KLHL1: variants seen among roughly 807,000 people sequenced by gnomAD.
KLHL1 encodes kelch like family member 1.
KLHL1 carries 47 observed loss-of-function variants against 77.7 expected under a neutral mutation model. The ratio of observed to expected loss-of-function variants is 0.60; its 90% CI spans 0.48 to 0.77. KLHL1 has a LOEUF of 0.77. Among genes scored for constraint, KLHL1 ranks in the 30% least tolerant of loss-of-function variants. KLHL1 has a pLI of 0.00. For missense variants in KLHL1, 925 were observed against 910.8 expected (o/e 1.02, Z -0.20); for synonymous variants, 360 against 325.2 (o/e 1.11, Z -1.15).
At chr13:69,956,178 A>G (rs1000874235) in intron 3 of KLHL1, among the ~76,000 whole-genome samples, 9 of 144,208 alleles carry the variant, frequency 6.2e-5, no homozygotes, top group African/African-American at 2.3e-4. Context: ...TATTTATTAT[A>G]TATCTGATAT....
At chr13:69,823,320 C>T (rs1482762123) in intron 6 of KLHL1, among the ~76,000 whole-genome samples, 1 of 152,000 alleles carries the variant, frequency 6.6e-6, no homozygotes, top group Non-Finnish European at 1.5e-5. Flanking sequence ...TACTTAATTA[C>T]CCTACTAAAG....
chr13:69,794,992 A>C (rs1003402416), intron 7 of KLHL1, among the ~76,000 whole-genome samples: 1 of 152,236 alleles, frequency 6.6e-6, no homozygotes, highest in African/African-American at 2.4e-5. Flanking sequence ...TTGGAAGAGC[A>C]GCAATCTTAG....
chr13:69,741,865 A>C (rs1262408338), intron 7 of KLHL1, among the ~76,000 whole-genome samples: 1 of 152,130 alleles, frequency 6.6e-6, no homozygotes, highest in Non-Finnish European at 1.5e-5. Flanking sequence ...CAGACTCCTG[A>C]AAGTATAGGA....
intron 10 of KLHL1, among the ~76,000 whole-genome samples, chr13:69,705,318 G>A (rs1426897239): frequency 1.3e-5 from 2 of 151,598 alleles, no homozygotes; most frequent in Non-Finnish European, 3.0e-5. Flanking sequence ...TATACATATG[G>A]TGTGTGTATG....
intron 5 of KLHL1, among the ~76,000 whole-genome samples, chr13:69,859,429 A>G (rs1160205939): frequency 2.0e-5 from 3 of 151,918 alleles, no homozygotes; most frequent in East Asian, 3.9e-4. Flanking sequence ...ACTCCCTGCA[A>G]TATGTGGCTG....
intron 5 of KLHL1, among the ~76,000 whole-genome samples, chr13:69,878,794 A>G (rs1404535891): frequency 6.6e-6 from 1 of 152,140 alleles, no homozygotes; most frequent in African/African-American, 2.4e-5. Context: ...ATAAAGACAC[A>G]TGCACACATA....
intron 7 of KLHL1, among the ~76,000 whole-genome samples, chr13:69,765,681 T>G (rs1875268213): frequency 1.3e-5 from 2 of 152,156 alleles, no homozygotes; most frequent in South Asian, 2.1e-4. Context: ...AAGATAGAAT[T>G]TTTAGTCTTT....
At chr13:70,020,269 T>G (rs1224563078) in intron 1 of KLHL1, among the ~76,000 whole-genome samples, 1 of 152,162 alleles carries the variant, frequency 6.6e-6, no homozygotes, top group African/African-American at 2.4e-5. Context: ...GGCATCAATA[T>G]GCAAATATGG....
At position 69,740,681 on chromosome 13, in the gene KLHL1, A is replaced by C. The variant is rs551764122; in HGVS notation, c.1640-125T>G. ...CATAATAAAATGAAAAAAAATTAAA[A>C]ATTGAATAGATTTATTTCACAGTGA... is the stretch of plus-strand genomic sequence containing the variant. On this transcript the variant is annotated intron_variant, in intron 7 of 10. Coordinates refer to ENST00000377844, the MANE Select transcript of KLHL1 (RefSeq NM_020866.3). 10 of 577,406 alleles carry C rather than the reference A, an allele frequency of 1.7e-5. No homozygotes were observed. The East Asian group carries it at 2.9e-4, about 17-fold the overall frequency. The allele number at this position is 577,406 out of a possible 1,614,324, so 35.8% of individuals were successfully genotyped here.
chr13:70,088,613 T>C (rs529267861), intron 1 of KLHL1, among the ~76,000 whole-genome samples: 1 of 152,030 alleles, frequency 6.6e-6, no homozygotes, highest in African/African-American at 2.4e-5. Context: ...AGCCCAGGAG[T>C]TGGACGTTAT....
chr13:70,107,902 TG>T lies in KLHL1; in HGVS notation c.-204del, dbSNP rs1888115782. On this transcript the variant is annotated 5_prime_UTR_variant, in exon 1 of 11. Transcript: ENST00000377844. The stretch of plus-strand genomic sequence containing the variant: ...ACGGCAAAGCCGCGCGTTTCAGCCG[TG>T]GTCGGGTCCGCAGGACCTGGGCGTG... The T allele has an allele frequency of 1.9e-5, 10 of 523,520 alleles. No individual in the cohort carries two copies. The South Asian group carries it at 2.9e-4, about 15-fold the overall frequency. 32.4% of individuals were successfully genotyped at this position (523,520 alleles called of 1,614,324 possible). A position where few individuals can be genotyped will look rare whatever the true frequency, so the allele number is the denominator to read the frequency against.
At chr13:70,006,008 C>G (rs932715207) in intron 1 of KLHL1, among the ~76,000 whole-genome samples, 3 of 151,940 alleles carry the variant, frequency 2.0e-5, no homozygotes, top group African/African-American at 7.2e-5. Flanking sequence ...CAACGATGCT[C>G]CATTTTTCTT....
intron 7 of KLHL1, among the ~76,000 whole-genome samples, chr13:69,758,601 C>T (rs1276866487): frequency 6.6e-6 from 1 of 151,910 alleles, no homozygotes. Context: ...GTTTTAATTA[C>T]ATATATTAAG....
At chr13:70,103,087 G>A (rs1346598699) in intron 1 of KLHL1, among the ~76,000 whole-genome samples, 1 of 152,158 alleles carries the variant, frequency 6.6e-6, no homozygotes, top group African/African-American at 2.4e-5. Flanking sequence ...ATTTGTTTCG[G>A]TGATGAAGAA....
chr13:70,074,720 T>C (rs1432999197), intron 1 of KLHL1, among the ~76,000 whole-genome samples: 1 of 142,694 alleles, frequency 7.0e-6, no homozygotes, highest in South Asian at 2.4e-4. Flanking sequence ...CCATATTCAG[T>C]GAAACTTTAA....
intron 3 of KLHL1, among the ~76,000 whole-genome samples, chr13:69,945,173 G>C (rs1043091889): frequency 4.0e-5 from 6 of 151,552 alleles, no homozygotes; most frequent in Non-Finnish European, 8.8e-5. Flanking sequence ...GTTTAGAACA[G>C]ACGGGGTTTC....
At chr13:69,780,673 A>T in intron 7 of KLHL1, among the ~76,000 whole-genome samples, 1 of 127,670 alleles carries the variant, frequency 7.8e-6, no homozygotes, top group Non-Finnish European at 1.6e-5. Flanking sequence ...TTCACTCTGA[A>T]TTCTCTTTCT....
chr13:69,906,689 A>T (rs1190082766), intron 4 of KLHL1, among the ~76,000 whole-genome samples: 1 of 151,926 alleles, frequency 6.6e-6, no homozygotes, highest in Admixed American at 6.6e-5. Flanking sequence ...CTAGAATAGC[A>T]TGCTAACAAA....
intron 1 of KLHL1, among the ~76,000 whole-genome samples, chr13:69,978,336 G>A (rs17086052): frequency 6.6e-6 from 1 of 150,764 alleles, no homozygotes; most frequent in African/African-American, 2.5e-5. Context: ...GCTTGGGTAC[G>A]CAGACTGCAT....
Sources: gnomAD v4.1 joint callset for allele counts (sites outside exome capture counted in the v4.1 genomes callset) on GRCh38, gnomAD v4.1.1 for gene constraint, MANE v1.5 for transcripts, NCBI Gene and HGNC (gene_info 2026-07-23, HGNC 2026-07-21) for gene names.